XIRP2: variants seen among roughly 807,000 people sequenced by gnomAD.
XIRP2 encodes the protein xin actin binding repeat containing 2.
In XIRP2, 236 loss-of-function variants were observed where a neutral mutation model predicts 277.0. That is an observed-to-expected ratio of 0.85 (90% CI 0.77 to 0.95). The LOEUF (loss-of-function observed/expected upper bound fraction) is 0.95. Ranked by LOEUF, XIRP2 falls within the 40% of genes least tolerant of loss-of-function variation. The pLI, the probability that XIRP2 is intolerant of heterozygous loss-of-function variation, is 0.00. For synonymous variants in XIRP2, 1,490 were observed against 1,416.5 expected (o/e 1.05, Z -1.17); for missense variants, 4,640 against 4,157.5 (o/e 1.12, Z -3.19).
rs776200202 is a variant in XIRP2, at chr2:167,210,814, C to A, written c.642C>A (p.His214Gln). ...AARGEGVSDL[H>Q]EVVSLKERMA... ...GGGGCGAGGGTGTGTCAGACCTCCA[C>A]GAAGTGGTCTCCCTGAAGGAGCGGA... Residue 214 changes from histidine (H) to glutamine (Q), a missense_variant, in exon 4 of 11, where the codon CAC (histidine) becomes CAA (glutamine). Transcript: ENST00000409195. 17 of 1,614,024 alleles carry A rather than the reference C, an allele frequency of 1.1e-5. No homozygotes were observed. The highest frequency in any genetic ancestry group is 1.4e-5 in the Non-Finnish European group (16 of 1,180,034).
At chr2:167,224,843 C>T (rs886852789) in intron 5 of XIRP2, among the ~76,000 whole-genome samples, 2 of 152,146 alleles carry the variant, frequency 1.3e-5, no homozygotes, top group Non-Finnish European at 2.9e-5. Flanking sequence ...GTGCCTCACA[C>T]CTTGGCTTTC....
At chr2:167,004,278 T>A (rs944026415) in intron 2 of XIRP2, among the ~76,000 whole-genome samples, 2 of 151,892 alleles carry the variant, frequency 1.3e-5, no homozygotes, top group Admixed American at 1.3e-4. Flanking sequence ...CCCTGGGAGA[T>A]ACATAGATAT....
intron 7 of XIRP2, 88 bp from the exon 8 acceptor site, chr2:167,241,689 A>C (rs76201476): frequency 0.13 from 191,254 of 1,432,390 alleles, 15,429 homozygotes; most frequent in African/African-American, 0.35. Flanking sequence ...GGATTACAGG[A>C]ATGAGCCACC....
rs558427257 is a variant in XIRP2, at chr2:167,007,498, T to C, written c.408+103608T>C. Among the ~76,000 whole-genome samples, 4 of 151,820 alleles carry C rather than the reference T, an allele frequency of 2.6e-5. No homozygotes were observed. The East Asian group carries it at 7.8e-4, about 29-fold the overall frequency. On this transcript the variant is annotated intron_variant, in intron 2 of 10. Transcript: ENST00000409195. ...TTTTTCAAATTATACTTATGGAATT[T>C]GGGTAATAATATGTAGCAAAGTAGA...
chr2:166,905,533 A>G (rs890897676), intron 2 of XIRP2, among the ~76,000 whole-genome samples: 1 of 151,980 alleles, frequency 6.6e-6, no homozygotes, highest in African/African-American at 2.4e-5. Flanking sequence ...GATATATTAA[A>G]ACCACCATTT....
At chr2:167,045,037 A>G (rs1332876489) in intron 2 of XIRP2, among the ~76,000 whole-genome samples, 1 of 151,666 alleles carries the variant, frequency 6.6e-6, no homozygotes, top group Non-Finnish European at 1.5e-5. Context: ...ATACTATTGG[A>G]AAAAAAAGAA....
At chr2:167,018,543 G>A (rs575245915) in intron 2 of XIRP2, among the ~76,000 whole-genome samples, 24 of 152,098 alleles carry the variant, frequency 1.6e-4, no homozygotes, top group Admixed American at 1.4e-3. Context: ...AAGATTCTCA[G>A]CAGCAAAATC....
intron 2 of XIRP2, among the ~76,000 whole-genome samples, chr2:167,047,227 T>C (rs1418410276): frequency 6.6e-6 from 1 of 151,190 alleles, no homozygotes; most frequent in Non-Finnish European, 1.5e-5. Context: ...TTCAAGAAAA[T>C]TTTTACATAC....
chr2:167,101,961 A>T (rs1690499067), intron 2 of XIRP2, among the ~76,000 whole-genome samples: 1 of 152,150 alleles, frequency 6.6e-6, no homozygotes, highest in Non-Finnish European at 1.5e-5. Context: ...ATTGTCGAGG[A>T]AAGGGGTGAG....
chr2:167,175,562 G>C (rs567184096), intron 3 of XIRP2, among the ~76,000 whole-genome samples: 9 of 152,242 alleles, frequency 5.9e-5, no homozygotes, highest in Non-Finnish European at 1.0e-4. Flanking sequence ...TCCTGTATGA[G>C]GTGTCTGTTG....
intron 2 of XIRP2, among the ~76,000 whole-genome samples, chr2:166,926,079 GA>G (rs1264354299): frequency 1.3e-5 from 2 of 151,582 alleles, no homozygotes; most frequent in Admixed American, 6.6e-5. Flanking sequence ...ATCTCAAAAA[GA>G]AAAAAATCAG....
At chr2:166,963,273 T>A (rs1474625761) in intron 2 of XIRP2, among the ~76,000 whole-genome samples, 1 of 151,410 alleles carries the variant, frequency 6.6e-6, no homozygotes, top group African/African-American at 2.4e-5. Flanking sequence ...TGACTATTTA[T>A]ATATTTATTT....
chr2:167,207,843 C>T (rs1693904547), intron 3 of XIRP2, among the ~76,000 whole-genome samples: 1 of 151,920 alleles, frequency 6.6e-6, no homozygotes, highest in African/African-American at 2.4e-5. Context: ...CATTCTTATC[C>T]TTGTTATCTA....
At chr2:167,032,463 C>G (rs529929014) in intron 2 of XIRP2, among the ~76,000 whole-genome samples, 2 of 152,234 alleles carry the variant, frequency 1.3e-5, no homozygotes, top group East Asian at 3.9e-4. Context: ...TGTAATTAAA[C>G]TAAAGAGCTT....
chr2:166,898,921 C>T (rs908299031), intron 1 of XIRP2, among the ~76,000 whole-genome samples: 2 of 152,112 alleles, frequency 1.3e-5, no homozygotes, highest in African/African-American at 4.8e-5. Flanking sequence ...GAATAGCACC[C>T]TTACATGGAT....
At chr2:167,110,324 C>T (rs999186594) in intron 2 of XIRP2, among the ~76,000 whole-genome samples, 1 of 152,162 alleles carries the variant, frequency 6.6e-6, no homozygotes, top group Non-Finnish European at 1.5e-5. Flanking sequence ...AGTCTTTAAT[C>T]CATCTGGAGT....
intron 4 of XIRP2, among the ~76,000 whole-genome samples, chr2:167,217,253 T>C (rs1190887196): frequency 4.7e-5 from 7 of 148,150 alleles, no homozygotes; most frequent in African/African-American, 1.8e-4. Context: ...CTGCGCAATG[T>C]GCACATGTAC....
intron 2 of XIRP2, among the ~76,000 whole-genome samples, chr2:167,054,135 T>A (rs1688986756): frequency 6.6e-6 from 1 of 152,192 alleles, no homozygotes; most frequent in South Asian, 2.1e-4. Flanking sequence ...TATTTTGTAT[T>A]GACAACCTTC....
chr2:167,011,206 G>A (rs1485416411), intron 2 of XIRP2, among the ~76,000 whole-genome samples: 1 of 150,990 alleles, frequency 6.6e-6, no homozygotes, highest in Non-Finnish European at 1.5e-5. Flanking sequence ...TTGGCTGTGG[G>A]TTTGTCATAG....
Sources: allele counts gnomAD v4.1 joint callset (sites outside exome capture counted in the v4.1 genomes callset), GRCh38; gene constraint gnomAD v4.1.1; transcripts MANE v1.5; gene names NCBI Gene and HGNC (gene_info 2026-07-23, HGNC 2026-07-21).